EDARADD: variants seen among roughly 807,000 people sequenced by gnomAD.
EDARADD encodes ectodysplasin-A receptor-associated adapter protein.
A neutral mutation model predicts 25.6 loss-of-function variants in EDARADD; 20 were observed. That is an observed-to-expected ratio of 0.78 (90% CI 0.55 to 1.14). EDARADD has a LOEUF of 1.14. Among genes scored for constraint, EDARADD ranks in the 50% most tolerant of loss-of-function variants. EDARADD has a pLI of 0.00. For missense variants in EDARADD, 225 were observed against 270.1 expected (o/e 0.83, Z 1.17); for synonymous variants, 86 against 94.4 (o/e 0.91, Z 0.52).
intron 4 of EDARADD, among the ~76,000 whole-genome samples, chr1:236,451,099 A>C (rs1333803103): frequency 1.3e-5 from 2 of 152,072 alleles, no homozygotes; most frequent in Non-Finnish European, 2.9e-5. Flanking sequence ...TTCCTCTCCC[A>C]GGGGTACACA....
intron 5 of EDARADD, among the ~76,000 whole-genome samples, chr1:236,479,224 G>A (rs540847137): frequency 7.2e-5 from 11 of 152,172 alleles, no homozygotes; most frequent in South Asian, 2.1e-4. Context: ...GGCCAGTCAC[G>A]GTGGCTCATA....
At chr1:236,389,673 C>T (rs1157614423), upstream of EDARADD, among the ~76,000 whole-genome samples, 1 of 152,092 alleles carries the variant, frequency 6.6e-6, no homozygotes, top group Non-Finnish European at 1.5e-5. Context: ...GCAAAATCTA[C>T]AAGGCAATTG....
Position 236,482,927 on chromosome 1 carries a change from G to C in EDARADD, c.*278G>C, listed in dbSNP as rs539403998. On this transcript the variant is annotated 3_prime_UTR_variant, in exon 6 of 6. Coordinates refer to ENST00000334232, the MANE Select transcript of EDARADD (RefSeq NM_145861.4). ...GGGCCAAAGTCCTACAATCGGAATG[G>C]ATTCATGCCACGTTGAAGATAAAAT... 5.6e-5 allele frequency: 34 copies of C among 604,962 alleles called. No homozygotes were observed. Among genetic ancestry groups the C allele is most frequent in the Non-Finnish European group, 8.4e-5 (29 of 345,156 alleles). The allele number at this position is 604,962 out of a possible 1,614,324, so 37.5% of individuals were successfully genotyped here.
At chr1:236,466,802 C>T (rs1480138137) in intron 4 of EDARADD, among the ~76,000 whole-genome samples, 1 of 152,192 alleles carries the variant, frequency 6.6e-6, no homozygotes, top group African/African-American at 2.4e-5. Flanking sequence ...GGCACTGTGG[C>T]TCACACCTGT....
intron 4 of EDARADD, among the ~76,000 whole-genome samples, chr1:236,430,502 T>G (rs626673): frequency 0.45 from 67,900 of 151,634 alleles, 17,435 homozygotes; most frequent in Non-Finnish European, 0.59. Flanking sequence ...GTGTTATAAT[T>G]TTGGCTATAT....
intron 3 of EDARADD, among the ~76,000 whole-genome samples, chr1:236,420,565 T>G (rs1029005887): frequency 1.3e-5 from 2 of 152,182 alleles, no homozygotes; most frequent in African/African-American, 4.8e-5. Context: ...GAATTTCAAG[T>G]TCCTTTGCTT....
At chr1:236,368,671 C>T (rs1667140521) in intron 3 of EDARADD, among the ~76,000 whole-genome samples, 2 of 152,098 alleles carry the variant, frequency 1.3e-5, no homozygotes, top group Non-Finnish European at 2.9e-5. Context: ...AACTCCTGAC[C>T]TCAGGTGATC....
At chr1:236,482,111 T>G (rs892735710) in intron 5 of EDARADD, among the ~76,000 whole-genome samples, 156 bp from the exon 6 acceptor site, 4 of 129,536 alleles carry the variant, frequency 3.1e-5, no homozygotes, top group Non-Finnish European at 6.3e-5. Context: ...CGAGACTCCA[T>G]CTCAAAAAAA....
At chr1:236,413,104 T>C (rs1657541052) in intron 2 of EDARADD, among the ~76,000 whole-genome samples, 1 of 152,210 alleles carries the variant, frequency 6.6e-6, no homozygotes, top group Non-Finnish European at 1.5e-5. Context: ...TCTCAGGTGA[T>C]CTGCCTGCCT....
chr1:236,352,104 G>C (rs1666921704), intron 3 of EDARADD, among the ~76,000 whole-genome samples: 1 of 151,998 alleles, frequency 6.6e-6, no homozygotes, highest in Non-Finnish European at 1.5e-5. Flanking sequence ...GTTTTTTCAG[G>C]GTCTTATCAG....
intron 3 of EDARADD, among the ~76,000 whole-genome samples, chr1:236,385,703 G>A (rs1316876438): frequency 6.9e-6 from 1 of 144,790 alleles, no homozygotes; most frequent in Non-Finnish European, 1.5e-5. Flanking sequence ...CAGCTTGGGC[G>A]ACAAGAGCGA....
intron 4 of EDARADD, among the ~76,000 whole-genome samples, chr1:236,466,976 A>G (rs1431807558): frequency 1.3e-5 from 2 of 152,114 alleles, no homozygotes; most frequent in Non-Finnish European, 2.9e-5. Context: ...CTGAGGCAGG[A>G]GAATGGCGTG....
At position 236,427,372 on chromosome 1, in the gene EDARADD, TTTC is replaced by T. The variant is rs767335424; in HGVS notation, c.161-17_161-15del. 6.5e-5 allele frequency: 105 copies of T among 1,605,962 alleles called. No individual in the cohort carries two copies. Among genetic ancestry groups the T allele is most frequent in the Non-Finnish European group, 8.3e-5 (97 of 1,175,584 alleles). Reference sequence around the variant, plus strand: ...AAATCACACTTTGTTTCTTTCTTTCTTTCTTTTTTTTTTTCCTAGCTGAAGAAT... The same window carrying T: ...AAATCACACTTTGTTTCTTTCTTTCTTTTTTTTTTTTCCTAGCTGAAGAAT... On this transcript the variant is annotated splice_polypyrimidine_tract_variant and intron_variant, in intron 3 of 5. Coordinates refer to ENST00000334232, the MANE Select transcript of EDARADD (RefSeq NM_145861.4).
chr1:236,419,291 G>A (rs1038278421), intron 3 of EDARADD, among the ~76,000 whole-genome samples: 1 of 152,146 alleles, frequency 6.6e-6, no homozygotes, highest in African/African-American at 2.4e-5. Context: ...CTACGTGGGA[G>A]GCTTAGGCTG....
intron 4 of EDARADD, among the ~76,000 whole-genome samples, chr1:236,455,913 C>T (rs1229750634): frequency 6.6e-6 from 1 of 152,158 alleles, no homozygotes; most frequent in Non-Finnish European, 1.5e-5. Flanking sequence ...CCTCAGCCTC[C>T]TGAATAGCTG....
At chr1:236,431,639 G>GACCTTATAGACTT (rs1571930821) in intron 4 of EDARADD, among the ~76,000 whole-genome samples, 2 of 119,780 alleles carry the variant, frequency 1.7e-5, no homozygotes, top group Non-Finnish European at 2.1e-5. Context: ...ACCCCAGGCA[G>GACCTTATAGACTT]GGCCGGGCGC....
intron 3 of EDARADD, among the ~76,000 whole-genome samples, chr1:236,388,343 T>G (rs1278684854): frequency 6.6e-6 from 1 of 152,192 alleles, no homozygotes; most frequent in African/African-American, 2.4e-5. Context: ...GTAAGACAAA[T>G]CCTTGTTATT....
At chr1:236,384,950 T>C (rs1667335222) in intron 3 of EDARADD, among the ~76,000 whole-genome samples, 1 of 152,150 alleles carries the variant, frequency 6.6e-6, no homozygotes, top group Non-Finnish European at 1.5e-5. Context: ...ACCTTTGTTA[T>C]ATAGCAAAGA....
chr1:236,464,722 C>T (rs1281509811), intron 4 of EDARADD, among the ~76,000 whole-genome samples: 2 of 152,012 alleles, frequency 1.3e-5, no homozygotes, highest in Admixed American at 6.6e-5. Flanking sequence ...CATGAGCCAC[C>T]GTGCCTGGCC....
Sources: allele counts gnomAD v4.1 joint callset (sites outside exome capture counted in the v4.1 genomes callset), GRCh38; gene constraint gnomAD v4.1.1; transcripts MANE v1.5; gene names NCBI Gene and HGNC (gene_info 2026-07-23, HGNC 2026-07-21).